The following TP53AIP1 variants were observed in gnomAD, a reference collection of about 807,000 sequenced individuals.
TP53AIP1 encodes the protein tumor protein p53 regulated apoptosis inducing protein 1.
Under a neutral mutation model 9.5 loss-of-function variants are expected in TP53AIP1, and 14 were observed. The ratio of observed to expected loss-of-function variants is 1.47; its 90% confidence interval spans 0.97 to 2.30. TP53AIP1 has a LOEUF of 2.30. Among genes scored for constraint, TP53AIP1 ranks in the 30% most tolerant of loss-of-function variants. The pLI is 0.00. For missense variants in TP53AIP1, 153 were observed against 146.7 expected, an observed-to-expected ratio of 1.04 and a Z score of -0.22; for synonymous variants, 73 against 61.2, an observed-to-expected ratio of 1.19 and a Z score of -0.90.
intron 1 of TP53AIP1, among the ~76,000 whole-genome samples, chr11:128,940,474 G>A (rs1944919436): frequency 6.6e-6 from 1 of 152,212 alleles, no homozygotes; most frequent in African/African-American, 2.4e-5. Flanking sequence ...CCTGATGTAG[G>A]TGCTGTGTGG....
chr11:128,937,310 C>G lies in TP53AIP1; in HGVS notation c.141+368G>C. 2 of 1,379,282 alleles carry G rather than the reference C, an allele frequency of 1.5e-6. No individual in the cohort carries two copies. The highest frequency in any genetic ancestry group is 1.9e-6 in the Non-Finnish European group (2 of 1,070,348). 85.4% of individuals were successfully genotyped at this position (1,379,282 alleles called of 1,614,324 possible). A position where few individuals can be genotyped will look rare whatever the true frequency, so the allele number is the denominator to read the frequency against. The stretch of plus-strand genomic sequence containing the variant: ...GCCCTGCACCCCAGCCTTCCCTCCC[C>G]ATGCGCTCCACATGCGTCCTTTGTT... On this transcript the variant is annotated intron_variant, in intron 2 of 3. Coordinates refer to ENST00000531399, the MANE Select transcript of TP53AIP1 (RefSeq NM_022112.3). The surrounding 1 kb of genome is among the most constrained non-coding windows in gnomAD (Gnocchi z 4.8).
Position 128,937,656 on chromosome 11 carries a change from G to T in TP53AIP1, c.141+22C>A. The T allele has an allele frequency of 6.2e-7, 1 of 1,614,144 alleles. No homozygotes were observed. Among genetic ancestry groups the T allele is most frequent in the East Asian group, 2.2e-5 (1 of 44,888 alleles). On this transcript the variant is annotated intron_variant, in intron 2 of 3. Coordinates refer to ENST00000531399, the MANE Select transcript of TP53AIP1 (RefSeq NM_022112.3). This position sits in a 1 kb window ranked among gnomAD's most constrained non-coding sequence, Gnocchi z 4.8. ...GCTGTGGCAGGCAAAAGACCGTCTCGGTTTTCACTGCAGGGACTTACCCAG... is the reference window on the plus strand; with the variant it reads ...GCTGTGGCAGGCAAAAGACCGTCTCTGTTTTCACTGCAGGGACTTACCCAG...
At position 128,935,636 on chromosome 11, in the gene TP53AIP1, A is replaced by G; in HGVS notation, c.330T>C (p.Phe110=). The change falls in exon 4 of 4, where the codon TTT becomes TTC. Residue 110 remains phenylalanine, a synonymous_variant. Transcript: ENST00000531399. ...CTTTTTTCTGATCATAGCTGAGCTCAAATGCTGACCCCAGTGGCCTGTCTC... is the reference window on the plus strand; with the variant it reads ...CTTTTTTCTGATCATAGCTGAGCTCGAATGCTGACCCCAGTGGCCTGTCTC... ...VLRDRPLGSA[F]ELSYDQKKAP... is the part of the protein sequence containing the mutation. 1 of 1,586,330 alleles carries G rather than the reference A, an allele frequency of 6.3e-7. No homozygotes were observed. The highest frequency in any genetic ancestry group is 1.1e-5 in the South Asian group (1 of 88,204).
chr11:128,936,416 T>C, intron 3 of TP53AIP1, 122 bp downstream of exon 3: 1 of 1,414,248 alleles, frequency 7.1e-7, no homozygotes, highest in Non-Finnish European at 9.2e-7. Flanking sequence ...AGATGGCAAA[T>C]TTCAGGAGAG....
rs1052928110 is a variant in TP53AIP1, at chr11:128,937,301, T to G, written c.141+377A>C. 2 of 1,360,988 alleles carry G rather than the reference T, an allele frequency of 1.5e-6. No individual in the cohort carries two copies. Among genetic ancestry groups the G allele is most frequent in the African/African-American group, 2.9e-5 (2 of 68,030 alleles). The allele number at this position is 1,360,988 out of a possible 1,614,324, so 84.3% of individuals were successfully genotyped here. ...AGGCCCGGAGCCCTGCACCCCAGCCTTCCCTCCCCATGCGCTCCACATGCG... is the reference window on the plus strand; with the variant it reads ...AGGCCCGGAGCCCTGCACCCCAGCCGTCCCTCCCCATGCGCTCCACATGCG... On this transcript the variant is annotated intron_variant, in intron 2 of 3. Transcript: ENST00000531399. The surrounding 1 kb of genome is among the most constrained non-coding windows in gnomAD (Gnocchi z 4.8).
Position 128,939,338 on chromosome 11 carries a change from C to T in TP53AIP1, c.-76-1444G>A, listed in dbSNP as rs967758510. Among the ~76,000 whole-genome samples, 1 of 152,290 alleles carries T rather than the reference C, an allele frequency of 6.6e-6. No individual in the cohort carries two copies. Among genetic ancestry groups the T allele is most frequent in the Admixed American group, 6.5e-5 (1 of 15,304 alleles). ...GAGCTGCCCAGGACAAGTGATCCTG[C>T]GGCCCATTGCTCACTCCCCGCAGAG... On this transcript the variant is annotated intron_variant, in intron 1 of 3. Transcript: ENST00000531399. The surrounding 1 kb of genome is among the most constrained non-coding windows in gnomAD (Gnocchi z 4.1).
Position 128,937,309 on chromosome 11 carries a change from C to A in TP53AIP1, c.141+369G>T. ...AGCCCTGCACCCCAGCCTTCCCTCC[C>A]CATGCGCTCCACATGCGTCCTTTGT... On this transcript the variant is annotated intron_variant, in intron 2 of 3. Coordinates refer to ENST00000531399, the MANE Select transcript of TP53AIP1 (RefSeq NM_022112.3). The surrounding 1 kb of genome is among the most constrained non-coding windows in gnomAD (Gnocchi z 4.8). 7.3e-7 allele frequency: 1 copy of A among 1,377,014 alleles called. No homozygotes were observed. Among genetic ancestry groups the A allele is most frequent in the East Asian group, 2.7e-5 (1 of 37,360 alleles). The allele number at this position is 1,377,014 out of a possible 1,614,324, so 85.3% of individuals were successfully genotyped here.
In TP53AIP1 at chr11:128,935,635, C is replaced by A; in HGVS notation, c.331G>T (p.Glu111Ter). Reference sequence around the variant, plus strand: ...GCTTTTTTCTGATCATAGCTGAGCTCAAATGCTGACCCCAGTGGCCTGTCT... The same window carrying A: ...GCTTTTTTCTGATCATAGCTGAGCTAAAATGCTGACCCCAGTGGCCTGTCT... ...LRDRPLGSAF[E>*]LSYDQKKAPL... The change falls in exon 4 of 4, where the codon GAG becomes TAG. Residue 111 changes from glutamate to a stop codon, truncating the protein, a stop_gained. Coordinates refer to ENST00000531399, the MANE Select transcript of TP53AIP1 (RefSeq NM_022112.3). LOFTEE classifies it high-confidence loss of function. 1.3e-6 allele frequency: 2 copies of A among 1,585,958 alleles called. No individual in the cohort carries two copies. The highest frequency in any genetic ancestry group is 1.7e-6 in the Non-Finnish European group (2 of 1,173,838).
chr11:128,935,851 A>G, intron 3 of TP53AIP1, 139 bp from the exon 4 acceptor site: 1 of 1,361,196 alleles, frequency 7.3e-7, no homozygotes, highest in Non-Finnish European at 9.4e-7. Context: ...ATTGTAAGGC[A>G]CATCATTATT....
At position 128,937,883 on chromosome 11, in the gene TP53AIP1, G is replaced by A; in HGVS notation, c.-65C>T. ...TTCTCCTCATTTGTTGTTAGGGCCA[G>A]TCCCTAAGGGACTAAAAACAAACAA... On this transcript the variant is annotated 5_prime_UTR_variant, in exon 2 of 4. Transcript: ENST00000531399. The surrounding 1 kb of genome is among the most constrained non-coding windows in gnomAD (Gnocchi z 4.8). The A allele has an allele frequency of 6.6e-7, 1 of 1,504,714 alleles. No homozygotes were observed. The highest frequency in any genetic ancestry group is 8.9e-7 in the Non-Finnish European group (1 of 1,122,996). The allele number at this position is 1,504,714 out of a possible 1,614,324, so 93.2% of individuals were successfully genotyped here.
At position 128,937,197 on chromosome 11, in the gene TP53AIP1, A is replaced by G. The variant is rs1944841953; in HGVS notation, c.141+481T>C. ...GTCATCTTCATTATTGGCCACAGGAAACGACTTCTTGGAGTAAGTGACTGG... is the reference window on the plus strand; with the variant it reads ...GTCATCTTCATTATTGGCCACAGGAGACGACTTCTTGGAGTAAGTGACTGG... On this transcript the variant is annotated intron_variant, in intron 2 of 3. Coordinates refer to ENST00000531399, the MANE Select transcript of TP53AIP1 (RefSeq NM_022112.3). This position sits in a 1 kb window ranked among gnomAD's most constrained non-coding sequence, Gnocchi z 4.8. 1 of 1,173,314 alleles carries G rather than the reference A, an allele frequency of 8.5e-7. No homozygotes were observed. Among genetic ancestry groups the G allele is most frequent in the East Asian group, 4.3e-5 (1 of 22,998 alleles). The allele number at this position is 1,173,314 out of a possible 1,614,324, so 72.7% of individuals were successfully genotyped here. A position where few individuals can be genotyped will look rare whatever the true frequency, so the allele number is the denominator to read the frequency against.
At chr11:128,936,870 GAC>G in intron 2 of TP53AIP1, 2 of 1,355,024 alleles carry the variant, frequency 1.5e-6, no homozygotes, top group South Asian at 3.6e-5. Flanking sequence ...TAGAGACAAA[GAC>G]AGAGACAGCA....
chr11:128,936,251 G>A (rs1427249814), intron 3 of TP53AIP1: 2 of 1,159,446 alleles, frequency 1.7e-6, no homozygotes, highest in East Asian at 1.0e-4. Context: ...CTATTGTCCA[G>A]CATCCTATGG....
chr11:128,941,210 G>A (rs1232477651), intron 1 of TP53AIP1, among the ~76,000 whole-genome samples: 2 of 152,162 alleles, frequency 1.3e-5, no homozygotes, highest in African/African-American at 4.8e-5. Flanking sequence ...CAGCTCCTGG[G>A]GAAAGCCCAC....
Position 128,939,345 on chromosome 11 carries a change from T to C in TP53AIP1, c.-76-1451A>G, listed in dbSNP as rs1461894608. Among the ~76,000 whole-genome samples the C allele has an allele frequency of 6.6e-6, 1 of 152,236 alleles. No homozygotes were observed. Among genetic ancestry groups the C allele is most frequent in the East Asian group, 1.9e-4 (1 of 5,176 alleles). On this transcript the variant is annotated intron_variant, in intron 1 of 3. Coordinates refer to ENST00000531399, the MANE Select transcript of TP53AIP1 (RefSeq NM_022112.3). The surrounding 1 kb of genome is among the most constrained non-coding windows in gnomAD (Gnocchi z 4.1). ...CCAGGACAAGTGATCCTGCGGCCCA[T>C]TGCTCACTCCCCGCAGAGGCAGGGG...
rs1012390964 is a variant in TP53AIP1 at position 128,937,105 on chromosome 11, G to A, written c.142-456C>T. The A allele has an allele frequency of 1.2e-5, 13 of 1,055,594 alleles. No homozygotes were observed. The African/African-American group carries it at 2.0e-4, about 16-fold the overall frequency. 65.4% of individuals were successfully genotyped at this position (1,055,594 alleles called of 1,614,324 possible). ...CTGCTTCCGGAGCCATGCGCTGCCT[G>A]TGCTGGGATGAATGCATGGCCCCTG... is the stretch of plus-strand genomic sequence containing the variant. On this transcript the variant is annotated intron_variant, in intron 2 of 3. Coordinates refer to ENST00000531399, the MANE Select transcript of TP53AIP1 (RefSeq NM_022112.3). The surrounding 1 kb of genome is among the most constrained non-coding windows in gnomAD (Gnocchi z 4.8).
chr11:128,937,823 G>A lies in TP53AIP1; in HGVS notation c.-5C>T. ...CGCCTCAGAGGAAGATCCCATCCAG[G>A]GGAGGCCCTGTCTGCAGAAAGCAGA... On this transcript the variant is annotated 5_prime_UTR_variant, in exon 2 of 4. Transcript: ENST00000531399. The surrounding 1 kb of genome is among the most constrained non-coding windows in gnomAD (Gnocchi z 4.8). 1 of 1,602,248 alleles carries A rather than the reference G, an allele frequency of 6.2e-7. No homozygotes were observed. The highest frequency in any genetic ancestry group is 8.5e-7 in the Non-Finnish European group (1 of 1,174,138).
intron 1 of TP53AIP1, among the ~76,000 whole-genome samples, chr11:128,941,428 T>C (rs572253612): frequency 2.0e-5 from 3 of 152,226 alleles, no homozygotes; most frequent in Non-Finnish European, 4.4e-5. Context: ...ACCATTCACA[T>C]TGTAGTCTAA....
At chr11:128,936,258 A>G in intron 3 of TP53AIP1, 2 of 1,183,260 alleles carry the variant, frequency 1.7e-6, no homozygotes, top group East Asian at 4.7e-5. Context: ...CCAGCATCCT[A>G]TGGCCCATTC....
Sources: allele counts gnomAD v4.1 joint callset (sites outside exome capture counted in the v4.1 genomes callset), GRCh38; gene constraint gnomAD v4.1.1; non-coding constraint Gnocchi (gnomAD v3.1); transcripts MANE v1.5; gene names NCBI Gene and HGNC (gene_info 2026-07-23, HGNC 2026-07-21).